PCNX1: variants seen among roughly 807,000 people sequenced by gnomAD.
PCNX1 encodes pecanex 1, also known as pecanex-like protein 1.
In PCNX1, 78 loss-of-function variants were observed where a neutral mutation model predicts 242.2. The observed-to-expected ratio is 0.32, with a 90% confidence interval of 0.27 to 0.39. The LOEUF (loss-of-function observed/expected upper bound fraction) is 0.39, where lower values mean the gene tolerates loss of function less well. Among genes scored for constraint, PCNX1 ranks in the 10% least tolerant of loss-of-function variants. PCNX1 has a pLI of 1.00. For synonymous variants in PCNX1, 1,024 were observed against 1,032.9 expected (o/e 0.99, Z 0.17); for missense variants, 2,581 against 2,856.5 (o/e 0.90, Z 2.20).
chr14:71,018,486 A>C (rs1055014411), intron 11 of PCNX1, among the ~76,000 whole-genome samples: 1 of 152,186 alleles, frequency 6.6e-6, no homozygotes, highest in Non-Finnish European at 1.5e-5. Flanking sequence ...CCCATATTTA[A>C]GTAATTCTAG....
Position 70,907,637 on chromosome 14 carries a change from C to G in PCNX1, c.-214C>G, listed in dbSNP as rs2055616147. 2 of 368,184 alleles carry G rather than the reference C, an allele frequency of 5.4e-6. No individual in the cohort carries two copies. Among genetic ancestry groups the G allele is most frequent in the South Asian group, 2.5e-4 (2 of 8,118 alleles). The allele number at this position is 368,184 out of a possible 1,614,324, so 22.8% of individuals were successfully genotyped here. A position where few individuals can be genotyped will look rare whatever the true frequency, so the allele number is the denominator to read the frequency against. Reference sequence around the variant, plus strand: ...CTCCGCCGTCCTCCGCCCCGCCGCTCGCCGCCTCCTCCTCTCGGGTCTCCT... The same window carrying G: ...CTCCGCCGTCCTCCGCCCCGCCGCTGGCCGCCTCCTCCTCTCGGGTCTCCT... On this transcript the variant is annotated 5_prime_UTR_variant, in exon 1 of 36. Transcript: ENST00000304743.
At chr14:71,077,432 A>G (rs750295821) in intron 28 of PCNX1, among the ~76,000 whole-genome samples, 6 of 152,210 alleles carry the variant, frequency 3.9e-5, no homozygotes, top group Non-Finnish European at 8.8e-5. Context: ...GTCATGGTCT[A>G]GGAGGTGCAT....
At chr14:71,035,593 C>T (rs1336186963) in intron 18 of PCNX1, among the ~76,000 whole-genome samples, 1 of 147,846 alleles carries the variant, frequency 6.8e-6, no homozygotes, top group East Asian at 2.0e-4. Flanking sequence ...AACCCTGTCT[C>T]TACTAAAAAT....
intron 5 of PCNX1, among the ~76,000 whole-genome samples, chr14:70,973,825 AAACT>A (rs2058611681): frequency 6.6e-6 from 1 of 152,174 alleles, no homozygotes; most frequent in South Asian, 2.1e-4. Context: ...TGCCACTGAT[AAACT>A]TTTTTTTGCA....
In PCNX1 at chr14:70,978,433, C is replaced by T. The variant is rs2058743962; in HGVS notation, c.2096C>T (p.Ala699Val). 3 of 1,614,150 alleles carry T rather than the reference C, an allele frequency of 1.9e-6. No individual in the cohort carries two copies. The highest frequency in any genetic ancestry group is 2.5e-6 in the Non-Finnish European group (3 of 1,179,992). ...TTGAGCCTGGACAGTGGCACAGTAG[C>T]ATGTTTGAATGACTCAAACAGGTTA... is the stretch of plus-strand genomic sequence containing the variant. The part of the protein sequence containing the change: ...RVLSLDSGTV[A>V]CLNDSNRLMA... Residue 699 changes from alanine to valine, a missense_variant, in exon 6 of 36, where the codon GCA (alanine) becomes GTA (valine). This residue lies in a region of PCNX1 where 1,204 missense variants were observed against 1,216.7 expected (regional missense o/e 0.99). Transcript: ENST00000304743.
At chr14:71,030,491 T>C (rs2060353362) in intron 16 of PCNX1, among the ~76,000 whole-genome samples, 1 of 152,138 alleles carries the variant, frequency 6.6e-6, no homozygotes, top group African/African-American at 2.4e-5. Context: ...TGCCCACGTT[T>C]CCCTTCAGCA....
intron 30 of PCNX1, among the ~76,000 whole-genome samples, chr14:71,089,631 G>C (rs2062077456): frequency 6.6e-6 from 1 of 152,164 alleles, no homozygotes; most frequent in Non-Finnish European, 1.5e-5. Flanking sequence ...GATCTCATGA[G>C]AACTCACTCG....
intron 16 of PCNX1, 43 bp from the exon 17 acceptor site, chr14:71,033,386 C>A: frequency 1.0e-6 from 1 of 983,464 alleles, no homozygotes; most frequent in Non-Finnish European, 1.6e-6. Flanking sequence ...TGATATATTA[C>A]AAATTAGAAG....
chr14:71,058,949 A>G (rs1011562678), intron 26 of PCNX1, among the ~76,000 whole-genome samples: 1 of 152,144 alleles, frequency 6.6e-6, no homozygotes, highest in African/African-American at 2.4e-5. Flanking sequence ...ATCCTAATCC[A>G]ACTAGGCTCA....
At chr14:71,020,194 T>C (rs1463083355) in intron 12 of PCNX1, among the ~76,000 whole-genome samples, 3 of 152,258 alleles carry the variant, frequency 2.0e-5, no homozygotes, top group Non-Finnish European at 4.4e-5. Flanking sequence ...GATGGGCATT[T>C]GGGTTGGTTC....
Position 71,043,001 on chromosome 14 carries a change from C to T in PCNX1, c.3868-2132C>T, listed in dbSNP as rs201797876. ...AGAGCCAGCCTAGTGGTAATAAATT[C>T]CTTAGTCTTTGCTTTTTGGTAAAGA... On this transcript the variant is annotated intron_variant, in intron 19 of 35. Coordinates refer to ENST00000304743, the MANE Select transcript of PCNX1 (RefSeq NM_014982.3). Among the ~76,000 whole-genome samples, 1,344 of 151,866 alleles carry T rather than the reference C, an allele frequency of 8.8e-3. 8 individuals are homozygous for T. The highest frequency in any genetic ancestry group is 0.014 in the Non-Finnish European group (929 of 67,916).
At chr14:71,047,333 G>A (rs910098563) in intron 21 of PCNX1, among the ~76,000 whole-genome samples, 1 of 151,966 alleles carries the variant, frequency 6.6e-6, no homozygotes, top group East Asian at 1.9e-4. Flanking sequence ...TTTATGAGAG[G>A]ACATTTTAAA....
At position 70,977,182 on chromosome 14, in the gene PCNX1, G is replaced by T; in HGVS notation, c.845G>T (p.Gly282Val). The T allele has an allele frequency of 6.2e-7, 1 of 1,614,178 alleles. No individual in the cohort carries two copies. Among genetic ancestry groups the T allele is most frequent in the Non-Finnish European group, 8.5e-7 (1 of 1,180,040 alleles). Residue 282 changes from glycine (G) to valine (V), a missense_variant, in exon 6 of 36, where the codon GGT (glycine) becomes GTT (valine). This residue lies in a region of PCNX1 where 1,204 missense variants were observed against 1,216.7 expected (regional missense o/e 0.99). Coordinates refer to ENST00000304743, the MANE Select transcript of PCNX1 (RefSeq NM_014982.3). Reference sequence around the variant, plus strand: ...TATAGAAAAGACCACCGGCCGCGAGGTGTACCACGGACTTCTAGCTCTGCT... The same window carrying T: ...TATAGAAAAGACCACCGGCCGCGAGTTGTACCACGGACTTCTAGCTCTGCT... ...HSYRKDHRPR[G>V]VPRTSSSAVA...
intron 12 of PCNX1, among the ~76,000 whole-genome samples, chr14:71,022,184 T>G (rs78217883): frequency 3.3e-4 from 51 of 152,306 alleles, no homozygotes; most frequent in African/African-American, 1.2e-3. Context: ...TTTGATGACA[T>G]TTAATGATTG....
chr14:70,960,869 T>C (rs2058185326), intron 2 of PCNX1, among the ~76,000 whole-genome samples: 1 of 151,834 alleles, frequency 6.6e-6, no homozygotes, highest in African/African-American at 2.4e-5. Flanking sequence ...TATACACCAA[T>C]AACAGACAAA....
At position 71,019,826 on chromosome 14, in the gene PCNX1, G is replaced by A. The variant is rs192128591; in HGVS notation, c.3150+664G>A. Among the ~76,000 whole-genome samples the A allele has an allele frequency of 3.0e-3, 455 of 151,818 alleles. 1 individual carries two copies. The highest frequency in any genetic ancestry group is 5.2e-3 in the Non-Finnish European group (354 of 67,950). On this transcript the variant is annotated intron_variant, in intron 12 of 35. Transcript: ENST00000304743. Reference sequence around the variant, plus strand: ...GCAGAATGTGCAGATTTATTACATAGGTATACACATGCCATGGTGGCATCC... The same window carrying A: ...GCAGAATGTGCAGATTTATTACATAAGTATACACATGCCATGGTGGCATCC...
At chr14:71,019,935 A>C (rs1459693585) in intron 12 of PCNX1, among the ~76,000 whole-genome samples, 1 of 147,704 alleles carries the variant, frequency 6.8e-6, no homozygotes, top group Non-Finnish European at 1.5e-5. Flanking sequence ...TCCCTCCCCT[A>C]CCCTCCGCCC....
At chr14:71,032,064 A>AAG (rs771219447) in intron 16 of PCNX1, 31 of 687,374 alleles carry the variant, frequency 4.5e-5, no homozygotes, top group African/African-American at 7.0e-5. Flanking sequence ...GACAAAGAAG[A>AAG]AGAGAGAGAG....
chr14:71,010,511 T>C (rs955290314), intron 9 of PCNX1, among the ~76,000 whole-genome samples: 3 of 151,978 alleles, frequency 2.0e-5, no homozygotes, highest in Admixed American at 6.5e-5. Context: ...GCTTCTTTTA[T>C]CCCCCCATCT....
Sources: allele counts gnomAD v4.1 joint callset (sites outside exome capture counted in the v4.1 genomes callset), GRCh38; gene constraint gnomAD v4.1.1; regional missense constraint gnomAD v4.1.1; transcripts MANE v1.5; gene names NCBI Gene and HGNC (gene_info 2026-07-23, HGNC 2026-07-21).